Variants in SLC14A2 observed in about 807,000 individuals in gnomAD.
The protein encoded by SLC14A2 is solute carrier family 14 member 2, also known as urea transporter 2.
In SLC14A2, 91 loss-of-function variants were observed where a neutral mutation model predicts 104.6. That is an observed-to-expected ratio of 0.87 (90% CI 0.73 to 1.04). The LOEUF (loss-of-function observed/expected upper bound fraction) is 1.04. SLC14A2 is among the 50% of genes least tolerant of loss of function. The pLI, the probability that SLC14A2 is intolerant of heterozygous loss-of-function variation, is 0.00. For synonymous variants in SLC14A2, 476 were observed against 466.4 expected, an observed-to-expected ratio of 1.02 and a Z score of -0.27; for missense variants, 1,189 against 1,156.0, an observed-to-expected ratio of 1.03 and a Z score of -0.41.
intron 2 of SLC14A2, among the ~76,000 whole-genome samples, chr18:45,591,376 C>T (rs1285359518): frequency 6.6e-6 from 1 of 152,146 alleles, no homozygotes; most frequent in African/African-American, 2.4e-5. Context: ...CGCTCTGTTG[C>T]CCAGGCTGGA....
intron 1 of SLC14A2, among the ~76,000 whole-genome samples, chr18:45,350,257 T>A (rs376982963): frequency 6.6e-6 from 1 of 152,356 alleles, no homozygotes; most frequent in South Asian, 2.1e-4. Flanking sequence ...AAAACCATTC[T>A]GGATAAAACC....
intron 2 of SLC14A2, among the ~76,000 whole-genome samples, chr18:45,518,380 C>T (rs2043471294): frequency 6.8e-6 from 1 of 146,970 alleles, no homozygotes; most frequent in Non-Finnish European, 1.5e-5. Flanking sequence ...ATCTAACTCC[C>T]CTATGATAGC....
intron 1 of SLC14A2, among the ~76,000 whole-genome samples, chr18:45,216,897 G>A (rs1341146822): frequency 6.6e-6 from 1 of 152,030 alleles, no homozygotes; most frequent in African/African-American, 2.4e-5. Flanking sequence ...CTCCTTATCT[G>A]GAAAAGCACT....
At chr18:45,539,870 CAGAA>C (rs2043858234) in intron 2 of SLC14A2, among the ~76,000 whole-genome samples, 4 of 125,784 alleles carry the variant, frequency 3.2e-5, no homozygotes, top group Non-Finnish European at 6.9e-5. Context: ...TAAGCCATGA[CAGAA>C]AGAAAAAAAA....
the SLC14A2 span, among the ~76,000 whole-genome samples, chr18:45,197,606 C>A: frequency 6.6e-6 from 1 of 152,220 alleles, no homozygotes; most frequent in South Asian, 2.1e-4. Context: ...ATTTCAGAGG[C>A]AGCCTCTGGG....
At chr18:45,392,207 GC>G (rs1261720358) in intron 1 of SLC14A2, among the ~76,000 whole-genome samples, 1 of 152,128 alleles carries the variant, frequency 6.6e-6, no homozygotes, top group Admixed American at 6.6e-5. Context: ...GGCCACTGTG[GC>G]CCCCCAGAGA....
chr18:45,269,750 GA>G (rs1376143355), intron 1 of SLC14A2, among the ~76,000 whole-genome samples: 3 of 152,074 alleles, frequency 2.0e-5, no homozygotes, highest in Non-Finnish European at 4.4e-5. Flanking sequence ...ATAAAGGGGG[GA>G]ACATCAGAGC....
intron 1 of SLC14A2, among the ~76,000 whole-genome samples, chr18:45,222,895 C>T (rs1429716450): frequency 6.6e-6 from 1 of 152,120 alleles, no homozygotes; most frequent in African/African-American, 2.4e-5. Flanking sequence ...CTGCATTCCC[C>T]AGTGATACTC....
chr18:45,678,994 G>A lies in SLC14A2; in HGVS notation c.2532G>A (p.Leu844=). The A allele has an allele frequency of 6.3e-7, 1 of 1,591,168 alleles. No homozygotes were observed. The highest frequency in any genetic ancestry group is 1.4e-5 in the African/African-American group (1 of 71,348). ...TTCTAGCACTGTTTGCTGCCTACCT[G>A]GGTGCTGCCCTGGCTAACATGTTAT... ...AIACALFAAY[L]GAALANMLSV... The change falls in exon 19 of 20, where the codon CTG becomes CTA. Residue 844 remains leucine, a synonymous_variant. Transcript: ENST00000255226.
At chr18:45,181,960 C>T in the SLC14A2 span, among the ~76,000 whole-genome samples, 1 of 151,982 alleles carries the variant, frequency 6.6e-6, no homozygotes, top group Non-Finnish European at 1.5e-5. Flanking sequence ...AGTACAATTA[C>T]AAACTGGTTA....
rs2086791418 is a variant in SLC14A2, at chr18:45,447,612, T to C, written c.-124-35621T>C. ...TGGTCACTTTATCATTGTAATATAT[T>C]TGAAAAATCAAAAACCAGCTGCTAT... is the stretch of plus-strand genomic sequence containing the variant. On this transcript the variant is annotated intron_variant, in intron 1 of 20. Transcript: ENST00000586448. 4 of 152,322 alleles carry C rather than the reference T, an allele frequency of 2.6e-5. No individual in the cohort carries two copies. In the South Asian group the frequency reaches 6.2e-4, roughly 24 times the overall value. 9.4% of individuals were successfully genotyped at this position (152,322 alleles called of 1,614,324 possible). A position where few individuals can be genotyped will look rare whatever the true frequency, so the allele number is the denominator to read the frequency against.
chr18:45,327,019 T>C (rs755775842), intron 1 of SLC14A2, among the ~76,000 whole-genome samples: 13 of 151,418 alleles, frequency 8.6e-5, no homozygotes, highest in African/African-American at 2.7e-4. Flanking sequence ...TCTATCTATC[T>C]GTCTATCTCT....
the SLC14A2 span, among the ~76,000 whole-genome samples, chr18:45,195,480 C>T: frequency 2.0e-5 from 3 of 152,280 alleles, no homozygotes; most frequent in East Asian, 5.8e-4. Context: ...CAACCTCCAC[C>T]TCCCAGGTTC....
chr18:45,411,734 A>G (rs1284231641), intron 1 of SLC14A2, among the ~76,000 whole-genome samples: 1 of 152,164 alleles, frequency 6.6e-6, no homozygotes, highest in Non-Finnish European at 1.5e-5. Flanking sequence ...AGAACAGTGA[A>G]TGTCAGATAA....
At chr18:45,238,285 G>A (rs1254448996) in intron 1 of SLC14A2, among the ~76,000 whole-genome samples, 3 of 152,188 alleles carry the variant, frequency 2.0e-5, no homozygotes, top group African/African-American at 7.2e-5. Flanking sequence ...GACACTGAGT[G>A]TGAAGGAAGG....
chr18:45,448,226 C>T (rs1165193433), intron 1 of SLC14A2, among the ~76,000 whole-genome samples: 1 of 152,182 alleles, frequency 6.6e-6, no homozygotes, highest in African/African-American at 2.4e-5. Context: ...AGCTTACATC[C>T]CTTCCCAAAA....
intron 1 of SLC14A2, among the ~76,000 whole-genome samples, chr18:45,464,747 G>A (rs556703372): frequency 7.9e-5 from 12 of 152,240 alleles, no homozygotes; most frequent in African/African-American, 1.2e-4. Flanking sequence ...GCAGGTTGTC[G>A]CATCCTGGGC....
chr18:45,416,541 A>C (rs187741318), intron 1 of SLC14A2, among the ~76,000 whole-genome samples: 3 of 152,284 alleles, frequency 2.0e-5, no homozygotes, highest in African/African-American at 4.8e-5. Flanking sequence ...GAGTGCAGCC[A>C]TTCAAAAATT....
Position 45,588,441 on chromosome 18 carries a change from TC to T in SLC14A2, c.-34-36187del, listed in dbSNP as rs79905451. ...CCCACCCACATGGCTGGAGGCATTCTCCCTAATGAAGTCATCCCAAAGGACT... is the reference window on the plus strand; with the variant it reads ...CCCACCCACATGGCTGGAGGCATTCTCCTAATGAAGTCATCCCAAAGGACT... On this transcript the variant is annotated intron_variant, in intron 2 of 20. Transcript: ENST00000586448. Among the ~76,000 whole-genome samples the T allele has an allele frequency of 2.2e-3, 329 of 152,314 alleles. 3 individuals are homozygous for T. In the East Asian group the frequency reaches 0.027, roughly 13 times the overall value.
Sources: gnomAD v4.1 joint callset for allele counts (sites outside exome capture counted in the v4.1 genomes callset) on GRCh38, gnomAD v4.1.1 for gene constraint, MANE v1.5 for transcripts, NCBI Gene and HGNC (gene_info 2026-07-23, HGNC 2026-07-21) for gene names.